AGBL4: variants seen among roughly 807,000 people sequenced by gnomAD.
AGBL4 encodes AGBL carboxypeptidase 4, also known as cytosolic carboxypeptidase 6.
AGBL4 carries 58 observed loss-of-function variants against 66.4 expected under a neutral mutation model. The ratio of observed to expected loss-of-function variants is 0.87; its 90% confidence interval spans 0.71 to 1.09. The LOEUF is 1.09. Ranked by LOEUF, AGBL4 falls within the 50% of genes least tolerant of loss-of-function variation. The probability of loss-of-function intolerance (pLI) is 0.00; values close to 1 mark genes in which losing one functional copy is unlikely to be tolerated. For missense variants in AGBL4, 579 were observed against 631.0 expected (o/e 0.92, Z 0.88); for synonymous variants, 234 against 222.9 (o/e 1.05, Z -0.44).
intron 5 of AGBL4, among the ~76,000 whole-genome samples, chr1:48,897,679 G>A (rs939438215): frequency 2.6e-5 from 4 of 151,872 alleles, no homozygotes; most frequent in Non-Finnish European, 1.5e-5. Context: ...ATTTTAACTG[G>A]GGTGAAATAA....
intron 6 of AGBL4, among the ~76,000 whole-genome samples, chr1:48,674,200 GC>G (rs1317309737): frequency 6.6e-6 from 1 of 152,216 alleles, no homozygotes; most frequent in Non-Finnish European, 1.5e-5. Flanking sequence ...TAGCTCCATG[GC>G]AAAGGGAACT....
intron 2 of AGBL4, among the ~76,000 whole-genome samples, chr1:49,738,674 C>T (rs1198014029): frequency 6.6e-6 from 1 of 152,206 alleles, no homozygotes; most frequent in Non-Finnish European, 1.5e-5. Context: ...CAGACTGACA[C>T]CTCACACGGC....
chr1:48,758,175 A>C (rs1644046105), intron 6 of AGBL4, among the ~76,000 whole-genome samples: 1 of 152,174 alleles, frequency 6.6e-6, no homozygotes, highest in South Asian at 2.1e-4. Flanking sequence ...CTTTATATTC[A>C]TCTTCCTAAG....
At chr1:49,515,411 G>T (rs1649701515) in intron 3 of AGBL4, among the ~76,000 whole-genome samples, 1 of 152,104 alleles carries the variant, frequency 6.6e-6, no homozygotes, top group Non-Finnish European at 1.5e-5. Flanking sequence ...AGGATGTGGA[G>T]AAATAGGAAC....
intron 1 of AGBL4, among the ~76,000 whole-genome samples, chr1:49,886,397 T>C (rs1006315827): frequency 2.6e-5 from 4 of 151,776 alleles, no homozygotes; most frequent in Admixed American, 1.3e-4. Context: ...TTAACCTGAG[T>C]CTGGAGAGAG....
intron 1 of AGBL4, among the ~76,000 whole-genome samples, chr1:50,018,435 G>A (rs1338252134): frequency 6.6e-6 from 1 of 152,052 alleles, no homozygotes; most frequent in Non-Finnish European, 1.5e-5. Context: ...TTTTTATAAT[G>A]AGAAACATCA....
chr1:49,510,723 T>C (rs1295737028), intron 3 of AGBL4, among the ~76,000 whole-genome samples: 1 of 151,728 alleles, frequency 6.6e-6, no homozygotes, highest in East Asian at 1.9e-4. Context: ...TTAGGTCTAA[T>C]GTTTAAGTCT....
At chr1:49,654,872 A>C (rs985155827) in intron 3 of AGBL4, among the ~76,000 whole-genome samples, 1 of 152,062 alleles carries the variant, frequency 6.6e-6, no homozygotes, top group East Asian at 1.9e-4. Context: ...TTGACTCTTT[A>C]TCCAATTTGC....
intron 7 of AGBL4, among the ~76,000 whole-genome samples, chr1:48,661,753 A>G (rs2148454575): frequency 6.6e-6 from 1 of 152,352 alleles, no homozygotes; most frequent in Non-Finnish European, 1.5e-5. Flanking sequence ...GGGCTCCCAG[A>G]GATGAACATA....
chr1:49,578,673 T>C (rs1317682263), intron 3 of AGBL4, among the ~76,000 whole-genome samples: 6 of 152,238 alleles, frequency 3.9e-5, no homozygotes, highest in Non-Finnish European at 5.9e-5. Context: ...TTGTTAACTT[T>C]ATGTAATAGT....
At chr1:49,838,419 C>T (rs1013537386) in intron 2 of AGBL4, among the ~76,000 whole-genome samples, 4 of 152,276 alleles carry the variant, frequency 2.6e-5, no homozygotes, top group East Asian at 3.9e-4. Flanking sequence ...CAGTTGACAA[C>T]GAAGCCTGGG....
chr1:49,856,390 A>G (rs1646433768), intron 1 of AGBL4, among the ~76,000 whole-genome samples: 1 of 152,122 alleles, frequency 6.6e-6, no homozygotes. Context: ...CTATAAAAAC[A>G]GCATTACCTT....
At chr1:49,943,560 C>G (rs1654955389) in intron 1 of AGBL4, among the ~76,000 whole-genome samples, 2 of 152,014 alleles carry the variant, frequency 1.3e-5, no homozygotes, top group Admixed American at 6.6e-5. Flanking sequence ...CTAACCTTAC[C>G]TGGAGCTAAG....
At chr1:49,978,293 AATTAGCCAGGTATAG>A (rs1459357277) in intron 1 of AGBL4, among the ~76,000 whole-genome samples, 1 of 152,122 alleles carries the variant, frequency 6.6e-6, no homozygotes, top group Non-Finnish European at 1.5e-5. Context: ...TACAAAAAAA[AATTAGCCAGGTATAG>A]TGGTATGCAC....
chr1:49,032,319 A>G (rs1664293815), intron 5 of AGBL4, among the ~76,000 whole-genome samples: 1 of 152,202 alleles, frequency 6.6e-6, no homozygotes, highest in African/African-American at 2.4e-5. Flanking sequence ...GCAGTGGTGT[A>G]GTAGAAAAGA....
Position 49,286,972 on chromosome 1 carries a change from G to T in AGBL4, c.283-41108C>A, listed in dbSNP as rs891053883. Among the ~76,000 whole-genome samples, 27 of 152,022 alleles carry T rather than the reference G, an allele frequency of 1.8e-4. 1 individual carries two copies. The highest frequency in any genetic ancestry group is 1.1e-3 in the Admixed American group (17 of 15,256). On this transcript the variant is annotated intron_variant, in intron 3 of 13. Coordinates refer to ENST00000371839, the MANE Select transcript of AGBL4 (RefSeq NM_032785.4). The stretch of plus-strand genomic sequence containing the variant: ...ACCTGACTTCAAACTATACTACAAG[G>T]CTATAGTAACCAAAACAGCACGGTA...
chr1:49,521,908 T>G (rs1650293731), intron 3 of AGBL4, among the ~76,000 whole-genome samples: 1 of 104,918 alleles, frequency 9.5e-6, no homozygotes, highest in African/African-American at 2.8e-5. Flanking sequence ...TGGAAACTAT[T>G]AGAGGGGGGA....
rs558299943 is a variant in AGBL4 at position 49,783,152 on chromosome 1, C to T, written c.157+68244G>A. On this transcript the variant is annotated intron_variant, in intron 2 of 13. Coordinates refer to ENST00000371839, the MANE Select transcript of AGBL4 (RefSeq NM_032785.4). ...AAGTATGTGATGTTTATGAGCAACC[C>T]AGTCTATGGTATTTTATTATAGCAG... Among the ~76,000 whole-genome samples, 4 of 152,148 alleles carry T rather than the reference C, an allele frequency of 2.6e-5. No individual in the cohort carries two copies. In the South Asian group the frequency reaches 6.2e-4, roughly 24 times the overall value.
chr1:49,722,567 A>G (rs1168059939), intron 2 of AGBL4, among the ~76,000 whole-genome samples: 1 of 152,200 alleles, frequency 6.6e-6, no homozygotes, highest in Non-Finnish European at 1.5e-5. Flanking sequence ...GATGAATAAC[A>G]ATAGGGATTT....
Sources: gnomAD v4.1 joint callset for allele counts (sites outside exome capture counted in the v4.1 genomes callset) on GRCh38, gnomAD v4.1.1 for gene constraint, MANE v1.5 for transcripts, NCBI Gene and HGNC (gene_info 2026-07-23, HGNC 2026-07-21) for gene names.